DDIT4L: variants seen among roughly 807,000 people sequenced by gnomAD.
DDIT4L encodes the protein DNA damage inducible transcript 4 like, also known as DNA damage-inducible transcript 4-like protein.
In DDIT4L, 13 loss-of-function variants were observed where a neutral mutation model predicts 15.9. The observed-to-expected ratio is 0.82, with a 90% CI of 0.53 to 1.30. DDIT4L has a LOEUF of 1.30. Ranked by LOEUF, DDIT4L falls within the 50% of genes most tolerant of loss-of-function variation. DDIT4L has a pLI of 0.00. For missense variants in DDIT4L, 235 were observed against 224.8 expected, an observed-to-expected ratio of 1.05 and a Z score of -0.29; for synonymous variants, 82 against 85.4, an observed-to-expected ratio of 0.96 and a Z score of 0.22.
rs761584051 is a variant in DDIT4L, at chr4:100,188,098, C to T, written c.161G>A (p.Cys54Tyr). The change falls in exon 3 of 3, where the codon TGC (cysteine) becomes TAC (tyrosine). Residue 54 changes from cysteine to tyrosine, a missense_variant. Cys to Tyr is a radical substitution (Grantham distance 194). Coordinates refer to ENST00000273990, the MANE Select transcript of DDIT4L (RefSeq NM_145244.4). ...CTCCAGCATTTTAACCAAATTCTGG[C>T]AAGTTGATTCCTCAAATATTACCTC... ...LNEVIFEEST[C>Y]QNLVKMLENC... 1 of 1,613,946 alleles carries T rather than the reference C, an allele frequency of 6.2e-7. No individual in the cohort carries two copies. Among genetic ancestry groups the T allele is most frequent in the South Asian group, 1.1e-5 (1 of 91,042 alleles).
intron 2 of DDIT4L, 75 bp from the exon 3 acceptor site, chr4:100,188,242 A>T: frequency 6.9e-7 from 1 of 1,450,316 alleles, no homozygotes; most frequent in Non-Finnish European, 9.3e-7. Flanking sequence ...CAAGATATCA[A>T]CATTGGTTAC....
chr4:100,190,063 T>C (rs1031473492), intron 1 of DDIT4L, 31 bp from the exon 2 acceptor site: 2 of 1,417,402 alleles, frequency 1.4e-6, no homozygotes, highest in Admixed American at 3.4e-5. Context: ...AGAGACGGAT[T>C]TGCAAAAGCA....
chr4:100,188,002 T>G lies in DDIT4L; in HGVS notation c.257A>C (p.Gln86Pro). Residue 86 changes from glutamine (Q) to proline (P), a missense_variant, in exon 3 of 3, where the codon CAG becomes CCG. Transcript: ENST00000273990. The part of the protein sequence containing the change: ...SKVLVPEKLT[Q>P]RIAQDVLRLS... Reference sequence around the variant, plus strand: ...CCGCAGGACATCTTGAGCAATTCTCTGGGTCAGTTTCTCAGGGACAAGGAC... The same window carrying G: ...CCGCAGGACATCTTGAGCAATTCTCGGGGTCAGTTTCTCAGGGACAAGGAC... 6.2e-7 allele frequency: 1 copy of G among 1,614,196 alleles called. No homozygotes were observed.
intron 1 of DDIT4L, 48 bp from the exon 2 acceptor site, chr4:100,190,080 T>A: frequency 8.4e-7 from 1 of 1,193,390 alleles, no homozygotes; most frequent in Non-Finnish European, 1.2e-6. Context: ...AGCAGGCGAG[T>A]CGTGCAGAGG....
At chr4:100,188,260 T>G (rs1723457145) in intron 2 of DDIT4L, 93 bp from the exon 3 acceptor site, 2 of 1,308,422 alleles carry the variant, frequency 1.5e-6, no homozygotes, top group African/African-American at 3.0e-5. Flanking sequence ...TACCTCTATC[T>G]ACCATGTCTG....
intron 2 of DDIT4L, 92 bp from the exon 3 acceptor site, chr4:100,188,259 C>A: frequency 7.6e-7 from 1 of 1,312,648 alleles, no homozygotes; most frequent in Non-Finnish European, 1.0e-6. Flanking sequence ...TTACCTCTAT[C>A]TACCATGTCT....
chr4:100,188,918 A>C (rs910410610), intron 2 of DDIT4L, among the ~76,000 whole-genome samples: 25 of 152,240 alleles, frequency 1.6e-4, no homozygotes, highest in Admixed American at 5.9e-4. Flanking sequence ...GCTGGGCTCA[A>C]AGGAAAAGAG....
chr4:100,187,602 T>C lies in DDIT4L; in HGVS notation c.*75A>G. ...CTTATTTAGGGCAGGTGGGGCAAAC[T>C]ACAAATGACTTTAGCTGACTAGCTG... On this transcript the variant is annotated 3_prime_UTR_variant, in exon 3 of 3. Coordinates refer to ENST00000273990, the MANE Select transcript of DDIT4L (RefSeq NM_145244.4). 1 of 1,495,954 alleles carries C rather than the reference T, an allele frequency of 6.7e-7. No individual in the cohort carries two copies. The highest frequency in any genetic ancestry group is 8.9e-7 in the Non-Finnish European group (1 of 1,128,008). 92.7% of individuals were successfully genotyped at this position (1,495,954 alleles called of 1,614,324 possible).
chr4:100,190,260 C>G (rs114080853), intron 1 of DDIT4L, 43 bp downstream of exon 1: 1 of 434,664 alleles, frequency 2.3e-6, no homozygotes, highest in African/African-American at 2.1e-5. Context: ...CGCGGAGCGC[C>G]CCCCGGCCCC....
chr4:100,187,774 G>A lies in DDIT4L; in HGVS notation c.485C>T (p.Ser162Phe). The change falls in exon 3 of 3, where the codon TCT becomes TTT. Residue 162 changes from serine to phenylalanine, a missense_variant. Ser to Phe is a radical substitution (Grantham distance 155). Coordinates refer to ENST00000273990, the MANE Select transcript of DDIT4L (RefSeq NM_145244.4). ...DFFFSRGRFS[S>F]GFRRTLILSS... The stretch of plus-strand genomic sequence containing the variant: ...GAGGATCAGAGTTCTCCTGAAACCA[G>A]AGGAGAAGCGACCTCTACTAAAGAA... 2 of 1,612,620 alleles carry A rather than the reference G, an allele frequency of 1.2e-6. No individual in the cohort carries two copies. The highest frequency in any genetic ancestry group is 8.5e-7 in the Non-Finnish European group (1 of 1,179,706).
rs1253435838 is a variant in DDIT4L at position 100,187,348 on chromosome 4, C to T, written c.*329G>A. On this transcript the variant is annotated 3_prime_UTR_variant, in exon 3 of 3. Transcript: ENST00000273990. ...AATAGGCAAATCTGGTTTATATAGT[C>T]TATTACCAAGCCTACCTGAAACCAA... The T allele has an allele frequency of 5.0e-6, 1 of 201,392 alleles. No homozygotes were observed. The highest frequency in any genetic ancestry group is 9.8e-6 in the Non-Finnish European group (1 of 102,166). 12.5% of individuals were successfully genotyped at this position (201,392 alleles called of 1,614,324 possible).
chr4:100,189,865 G>A (rs1265501680), intron 2 of DDIT4L, 28 bp downstream of exon 2: 1 of 1,609,550 alleles, frequency 6.2e-7, no homozygotes, highest in African/African-American at 1.3e-5. Context: ...CTTGGGAGGG[G>A]AGAAGGGTGG....
rs1475248967 is a variant in DDIT4L, at chr4:100,186,099, C to G, written c.*1578G>C. On this transcript the variant is annotated 3_prime_UTR_variant, in exon 3 of 3. Transcript: ENST00000273990. ...AGGACAGCGGCAGAAACACAGTGAA[C>G]CTTTGGAGCTTAACAATAGCCATGC... The G allele has an allele frequency of 1.3e-5, 2 of 152,186 alleles. No homozygotes were observed. The highest frequency in any genetic ancestry group is 2.9e-5 in the Non-Finnish European group (2 of 68,038). 9.4% of individuals were successfully genotyped at this position (152,186 alleles called of 1,614,324 possible).
Position 100,186,384 on chromosome 4 carries a change from G to C in DDIT4L, c.*1293C>G, listed in dbSNP as rs556383053. The stretch of plus-strand genomic sequence containing the variant: ...AAACCTGAATAAGCTCCTTATCCAC[G>C]ACCCACAGCAAGGATATGAAAGCCT... On this transcript the variant is annotated 3_prime_UTR_variant, in exon 3 of 3. Transcript: ENST00000273990. The C allele has an allele frequency of 6.6e-6, 1 of 152,102 alleles. No homozygotes were observed. The highest frequency in any genetic ancestry group is 1.5e-5 in the Non-Finnish European group (1 of 68,010). The allele number at this position is 152,102 out of a possible 1,614,324, so 9.4% of individuals were successfully genotyped here. A position where few individuals can be genotyped will look rare whatever the true frequency, so the allele number is the denominator to read the frequency against.
rs1244758232 is a variant in DDIT4L at position 100,187,684 on chromosome 4, C to T, written c.575G>A (p.Gly192Glu). ...YSLIGTTVIEGS is the reference protein window; with the variant it reads ...YSLIGTTVIEES ...TTTATATATTTTCCCTTTTTAGGAC[C>T]CTTCAATCACTGTTGTTCCAATCAG... is the stretch of plus-strand genomic sequence containing the variant. The change falls in exon 3 of 3, where the codon GGG becomes GAG. Residue 192 changes from glycine to glutamate, a missense_variant. Gly to Glu is a moderately conservative substitution (Grantham distance 98, BLOSUM62 -2). Coordinates refer to ENST00000273990, the MANE Select transcript of DDIT4L (RefSeq NM_145244.4). 6.3e-7 allele frequency: 1 copy of T among 1,585,750 alleles called. No homozygotes were observed. The highest frequency in any genetic ancestry group is 8.5e-7 in the Non-Finnish European group (1 of 1,173,266).
Position 100,187,719 on chromosome 4 carries a change from T to C in DDIT4L, c.540A>G (p.Lys180=), listed in dbSNP as rs56763427. Residue 180 remains lysine, a synonymous_variant, in exon 3 of 3, where the codon AAA becomes AAG. Coordinates refer to ENST00000273990, the MANE Select transcript of DDIT4L (RefSeq NM_145244.4). ...CTGTTGTTCCAATCAGTGAGTAAAG[T>C]TTTTTCTTAACAAGTCGAAATCCTG... ...LSSGFRLVKK[K]LYSLIGTTVI... 7.5e-6 allele frequency: 10 copies of C among 1,332,770 alleles called. No individual in the cohort carries two copies. In the Admixed American group the frequency reaches 7.6e-5, roughly 10 times the overall value. 82.6% of individuals were successfully genotyped at this position (1,332,770 alleles called of 1,614,324 possible).
At chr4:100,188,713 A>G (rs1723464903) in intron 2 of DDIT4L, among the ~76,000 whole-genome samples, 1 of 152,226 alleles carries the variant, frequency 6.6e-6, no homozygotes, top group Non-Finnish European at 1.5e-5. Flanking sequence ...AAGCTTTAAG[A>G]GTTATATTAA....
intron 2 of DDIT4L, among the ~76,000 whole-genome samples, chr4:100,189,143 T>C (rs1026598822): frequency 6.6e-6 from 1 of 152,226 alleles, no homozygotes; most frequent in African/African-American, 2.4e-5. Context: ...CACTTCACCT[T>C]GAAAGGAGAA....
Position 100,189,911 on chromosome 4 carries a change from G to A in DDIT4L, c.73C>T (p.Pro25Ser), listed in dbSNP as rs201322046. ...ISELLDCGYH[P>S]ESLLSDFDYW... ...CACTCACCACTTAGCAGGCTCTCTG[G>A]GTGATAGCCACAGTCCAGCAATTCT... Residue 25 changes from proline (P) to serine (S), a missense_variant, in exon 2 of 3, where the codon CCA becomes TCA. Transcript: ENST00000273990. The A allele has an allele frequency of 1.9e-4, 310 of 1,614,036 alleles. 6 individuals carry two copies. The Middle Eastern group carries it at 3.8e-3, about 20-fold the overall frequency.
Sources: gnomAD v4.1 joint callset for allele counts (sites outside exome capture counted in the v4.1 genomes callset) on GRCh38, gnomAD v4.1.1 for gene constraint, MANE v1.5 for transcripts, NCBI Gene and HGNC (gene_info 2026-07-23, HGNC 2026-07-21) for gene names.